Variants in SCARA3 observed in about 807,000 individuals in gnomAD.
SCARA3 encodes scavenger receptor class A member 3.
In SCARA3, 39 loss-of-function variants were observed where a neutral mutation model predicts 47.0. The observed-to-expected ratio is 0.83, with a 90% CI of 0.64 to 1.08. The LOEUF is 1.08. SCARA3 is among the 50% of genes least tolerant of loss of function. The pLI, the probability that SCARA3 is intolerant of heterozygous loss-of-function variation, is 0.00. For missense variants in SCARA3, 724 were observed against 792.3 expected, an observed-to-expected ratio of 0.91 and a Z score of 1.04; for synonymous variants, 356 against 334.1, an observed-to-expected ratio of 1.07 and a Z score of -0.71.
chr8:27,698,937 A>C, the SCARA3 span, among the ~76,000 whole-genome samples: 2 of 152,070 alleles, frequency 1.3e-5, no homozygotes, highest in African/African-American at 4.8e-5. Context: ...CATGTATAAG[A>C]AAACTCACAT....
the SCARA3 span, among the ~76,000 whole-genome samples, chr8:27,722,507 G>T: frequency 6.6e-6 from 1 of 151,996 alleles, no homozygotes; most frequent in East Asian, 1.9e-4. Context: ...CCAAACCCTC[G>T]TGCCTCCATC....
At chr8:27,635,161 C>G (rs1192365611) in intron 1 of SCARA3, among the ~76,000 whole-genome samples, 1 of 152,176 alleles carries the variant, frequency 6.6e-6, no homozygotes, top group Non-Finnish European at 1.5e-5. Context: ...TCAGGTGCCA[C>G]TGACAGGTAT....
At chr8:27,689,126 G>A in the SCARA3 span, among the ~76,000 whole-genome samples, 122 of 152,176 alleles carry the variant, frequency 8.0e-4, 1 homozygote, top group Admixed American at 6.9e-3. Context: ...AATCCAAAGC[G>A]GAGTCTGGGA....
At chr8:27,682,465 G>A in the SCARA3 span, among the ~76,000 whole-genome samples, 5 of 152,196 alleles carry the variant, frequency 3.3e-5, no homozygotes, top group Admixed American at 3.3e-4. Context: ...TTAAGTAAAT[G>A]ATAAGGTATG....
At chr8:27,638,314 T>TTG (rs55695492) in intron 1 of SCARA3, among the ~76,000 whole-genome samples, 3,993 of 146,636 alleles carry the variant, frequency 0.027, 65 homozygotes, top group South Asian at 0.077. Context: ...AATTTAGTGA[T>TTG]TGTGTGTGTG....
chr8:27,729,707 C>T, the SCARA3 span, among the ~76,000 whole-genome samples: 6 of 152,062 alleles, frequency 3.9e-5, no homozygotes, highest in Non-Finnish European at 7.4e-5. Flanking sequence ...AGGAGAATCG[C>T]GTGAACCCGG....
the SCARA3 span, among the ~76,000 whole-genome samples, chr8:27,698,282 C>T: frequency 5.9e-5 from 9 of 151,952 alleles, no homozygotes; most frequent in Non-Finnish European, 1.2e-4. Flanking sequence ...ATTTTTTTCT[C>T]TCTGAATTCT....
intron 5 of SCARA3, among the ~76,000 whole-genome samples, chr8:27,668,981 G>T (rs753502888): frequency 6.6e-6 from 1 of 152,176 alleles, no homozygotes; most frequent in Non-Finnish European, 1.5e-5. Flanking sequence ...AGCAGGGCAG[G>T]GCATCCTTGT....
chr8:27,719,736 T>A, the SCARA3 span, among the ~76,000 whole-genome samples: 1 of 152,112 alleles, frequency 6.6e-6, no homozygotes, highest in Non-Finnish European at 1.5e-5. Flanking sequence ...ATGCTGTTGA[T>A]TTTTTTGCAA....
At chr8:27,706,663 G>T in the SCARA3 span, among the ~76,000 whole-genome samples, 4 of 152,156 alleles carry the variant, frequency 2.6e-5, no homozygotes, top group African/African-American at 9.7e-5. Flanking sequence ...TGAAGAGAAG[G>T]CAGAGAAGAC....
chr8:27,696,155 A>G, the SCARA3 span, among the ~76,000 whole-genome samples: 18 of 151,772 alleles, frequency 1.2e-4, no homozygotes, highest in African/African-American at 4.1e-4. Flanking sequence ...GACTAAAGGC[A>G]CATGCCACCA....
downstream of SCARA3, among the ~76,000 whole-genome samples, chr8:27,673,204 A>C (rs1431991257): frequency 6.6e-6 from 1 of 152,240 alleles, no homozygotes; most frequent in Non-Finnish European, 1.5e-5. Context: ...GTCTGAGGGA[A>C]TTACTCAGAG....
the SCARA3 span, chr8:27,702,836 G>T: frequency 1.3e-5 from 2 of 152,334 alleles, no homozygotes; most frequent in Non-Finnish European, 2.9e-5. Context: ...GGGAGGAAAG[G>T]CCGAATCGCC....
At chr8:27,654,350 A>C (rs1467141860) in intron 3 of SCARA3, among the ~76,000 whole-genome samples, 1 of 152,240 alleles carries the variant, frequency 6.6e-6, no homozygotes, top group African/African-American at 2.4e-5. Flanking sequence ...ACTATTTGCC[A>C]TATTGTCTAC....
intron 5 of SCARA3, among the ~76,000 whole-genome samples, chr8:27,662,828 C>T (rs1303089876): frequency 6.6e-6 from 1 of 152,198 alleles, no homozygotes; most frequent in Non-Finnish European, 1.5e-5. Flanking sequence ...ACCATGCACT[C>T]TTTGTTCATG....
chr8:27,728,227 G>A, the SCARA3 span, among the ~76,000 whole-genome samples: 1 of 152,236 alleles, frequency 6.6e-6, no homozygotes, highest in Admixed American at 6.5e-5. Context: ...GGCAAAGTGG[G>A]CTCAAGTCTC....
At chr8:27,715,756 ATAG>A in the SCARA3 span, among the ~76,000 whole-genome samples, 3 of 152,246 alleles carry the variant, frequency 2.0e-5, no homozygotes, top group South Asian at 2.1e-4. The surrounding 1 kb of genome is among the most constrained non-coding windows in gnomAD (Gnocchi z 4.2). Context: ...AGACAGACAG[ATAG>A]TAGACAGACA....
the SCARA3 span, among the ~76,000 whole-genome samples, chr8:27,712,562 C>CAAAA: frequency 1.9e-4 from 20 of 107,154 alleles, no homozygotes; most frequent in East Asian, 2.8e-4. Flanking sequence ...GACTCCGTCT[C>CAAAA]AAAAAAAAAA....
At position 27,672,148 on chromosome 8, in the gene SCARA3, C is replaced by G. The variant is rs1246224441; in HGVS notation, c.*797C>G. On this transcript the variant is annotated 3_prime_UTR_variant, in exon 6 of 6. Coordinates refer to ENST00000301904, the MANE Select transcript of SCARA3 (RefSeq NM_016240.3). ...ACCCGGGAGCTGTCCCTGTCTGTCA[C>G]AGCACAGTGGGGCCACGAGGCTGAC... 4 of 985,370 alleles carry G rather than the reference C, an allele frequency of 4.1e-6. No homozygotes were observed. The highest frequency in any genetic ancestry group is 4.8e-6 in the Non-Finnish European group (4 of 829,962). 61.0% of individuals were successfully genotyped at this position (985,370 alleles called of 1,614,324 possible).
Sources: gnomAD v4.1 joint callset for allele counts (sites outside exome capture counted in the v4.1 genomes callset) on GRCh38, gnomAD v4.1.1 for gene constraint, Gnocchi (gnomAD v3.1) non-coding constraint, MANE v1.5 for transcripts, NCBI Gene and HGNC (gene_info 2026-07-23, HGNC 2026-07-21) for gene names.